CYFIP1: variants seen among roughly 807,000 people sequenced by gnomAD.
CYFIP1 encodes cytoplasmic FMR1 interacting protein 1.
A neutral mutation model predicts 163.5 loss-of-function variants in CYFIP1; 58 were observed. That is an observed-to-expected ratio of 0.35 (90% CI 0.29 to 0.44). CYFIP1 has a LOEUF of 0.44. CYFIP1 is among the 20% of genes least tolerant of loss of function. The probability of loss-of-function intolerance (pLI) is 1.00; values close to 1 mark genes in which losing one functional copy is unlikely to be tolerated. For missense variants in CYFIP1, 1,338 were observed against 1,653.8 expected, an observed-to-expected ratio of 0.81 and a Z score of 3.31; for synonymous variants, 663 against 660.7, an observed-to-expected ratio of 1.00 and a Z score of -0.05.
At chr15:22,901,597 A>G (rs2060395018) in intron 22 of CYFIP1, among the ~76,000 whole-genome samples, 1 of 152,194 alleles carries the variant, frequency 6.6e-6, no homozygotes. Context: ...CAGCACTGTC[A>G]CACATTTACC....
intron 27 of CYFIP1, 87 bp downstream of exon 27, chr15:22,875,112 C>G (rs2059544905): frequency 1.6e-6 from 2 of 1,272,550 alleles, no homozygotes; most frequent in Non-Finnish European, 2.3e-6. Context: ...ACAATCTGCA[C>G]TGGTCCTTAG....
chr15:22,930,254 C>T (rs538813913), intron 11 of CYFIP1, among the ~76,000 whole-genome samples: 2 of 151,376 alleles, frequency 1.3e-5, no homozygotes, highest in African/African-American at 4.8e-5. Context: ...ATTAGCCGGG[C>T]GTAGTGGTGG....
At chr15:22,925,867 C>T (rs2061340459) in intron 13 of CYFIP1, 115 bp downstream of exon 13, 8 of 1,442,898 alleles carry the variant, frequency 5.5e-6, no homozygotes, top group Admixed American at 1.9e-5. Context: ...GAAAGGGGTG[C>T]CCACACAGAA....
chr15:22,868,604 T>TAAAG lies in CYFIP1; in HGVS notation c.*1420_*1423dup, dbSNP rs1245331057. ...AAAAGCATTTTTAGGGAACTTTTTATAAAGAAAGAATAATTGTTTGTTAGG... is the reference window on the plus strand; with the variant it reads ...AAAAGCATTTTTAGGGAACTTTTTATAAAGAAAGAAAGAATAATTGTTTGTTAGG... On this transcript the variant is annotated 3_prime_UTR_variant, in exon 31 of 31. Coordinates refer to ENST00000617928, the MANE Select transcript of CYFIP1 (RefSeq NM_014608.6). The TAAAG allele has an allele frequency of 1.4e-5, 2 of 145,150 alleles. No homozygotes were observed. Among genetic ancestry groups the TAAAG allele is most frequent in the Admixed American group, 1.4e-4 (2 of 13,800 alleles). 9.0% of individuals were successfully genotyped at this position (145,150 alleles called of 1,614,324 possible). A position where few individuals can be genotyped will look rare whatever the true frequency, so the allele number is the denominator to read the frequency against.
In CYFIP1 at chr15:22,907,299, C is replaced by A. The variant is rs576474437; in HGVS notation, c.2388+1895G>T. 2.6e-5 allele frequency among the ~76,000 whole-genome samples: 4 copies of A among 152,320 alleles called. No individual in the cohort carries two copies. In the South Asian group the frequency reaches 8.3e-4, roughly 32 times the overall value. ...TCCAATGGTGCCAGGTGGCGGGCAG[C>A]ACAACTCATGTGTACTCAAATTGCC... On this transcript the variant is annotated intron_variant, in intron 21 of 30. Coordinates refer to ENST00000617928, the MANE Select transcript of CYFIP1 (RefSeq NM_014608.6).
intron 3 of CYFIP1, 139 bp downstream of exon 3, chr15:22,946,864 A>G: frequency 1.3e-6 from 1 of 784,480 alleles, no homozygotes; most frequent in Non-Finnish European, 2.2e-6. Flanking sequence ...AGACTGTCTT[A>G]AAAATATAAG....
At chr15:22,971,333 G>C (rs1441973357) in intron 1 of CYFIP1, among the ~76,000 whole-genome samples, 5 of 152,014 alleles carry the variant, frequency 3.3e-5, no homozygotes, top group Non-Finnish European at 7.4e-5. Context: ...GAGCTCAAGA[G>C]TTCAAGACTA....
chr15:22,918,503 C>T (rs1444413713), intron 14 of CYFIP1, among the ~76,000 whole-genome samples, 189 bp downstream of exon 14: 1 of 152,214 alleles, frequency 6.6e-6, no homozygotes, highest in East Asian at 1.9e-4. Context: ...AGCTGACTTA[C>T]TGTCCATTGT....
intron 1 of CYFIP1, among the ~76,000 whole-genome samples, chr15:22,971,151 A>T (rs1490396585): frequency 6.6e-6 from 1 of 152,222 alleles, no homozygotes; most frequent in East Asian, 1.9e-4. Flanking sequence ...CGGATCTAAA[A>T]CTATAAAACT....
At chr15:22,930,311 G>T (rs1473930104) in intron 11 of CYFIP1, among the ~76,000 whole-genome samples, 3 of 147,100 alleles carry the variant, frequency 2.0e-5, no homozygotes, top group African/African-American at 7.4e-5. Flanking sequence ...GGAGAATGGT[G>T]TGAACCTTGG....
At chr15:22,974,756 T>C (rs975545472) in intron 1 of CYFIP1, among the ~76,000 whole-genome samples, 4 of 152,168 alleles carry the variant, frequency 2.6e-5, no homozygotes, top group Admixed American at 2.6e-4. Context: ...AACTGGATTA[T>C]GGTGATGGTT....
At chr15:22,937,749 T>C (rs933831621) in intron 8 of CYFIP1, among the ~76,000 whole-genome samples, 4 of 152,032 alleles carry the variant, frequency 2.6e-5, no homozygotes, top group East Asian at 1.9e-4. Context: ...CAGGCGCCCA[T>C]GACCACCACG....
intron 18 of CYFIP1, among the ~76,000 whole-genome samples, chr15:22,911,631 G>C (rs1295908871): frequency 6.6e-6 from 1 of 152,200 alleles, no homozygotes; most frequent in Non-Finnish European, 1.5e-5. Context: ...AGCAGACAGG[G>C]CCAAGAAGGG....
At chr15:22,960,397 C>T (rs1467519165) in intron 1 of CYFIP1, among the ~76,000 whole-genome samples, 5 of 152,222 alleles carry the variant, frequency 3.3e-5, no homozygotes, top group South Asian at 2.1e-4. Context: ...GGCACCTTGC[C>T]GGAGACGTCC....
At chr15:22,961,799 G>C (rs1396594123) in intron 1 of CYFIP1, among the ~76,000 whole-genome samples, 1 of 152,132 alleles carries the variant, frequency 6.6e-6, no homozygotes, top group South Asian at 2.1e-4. Flanking sequence ...TACTAACAAC[G>C]TTAAAGATAT....
chr15:22,887,674 A>T (rs2059963511), intron 23 of CYFIP1, among the ~76,000 whole-genome samples: 1 of 152,180 alleles, frequency 6.6e-6, no homozygotes. Context: ...CAAAGATGAC[A>T]CATCCGAGAG....
chr15:22,942,988 T>A (rs999861516), intron 6 of CYFIP1, among the ~76,000 whole-genome samples, 185 bp downstream of exon 6: 15 of 152,222 alleles, frequency 9.9e-5, no homozygotes, highest in Non-Finnish European at 2.9e-5. Flanking sequence ...TATGCACTTA[T>A]CTGCTGGCTC....
intron 1 of CYFIP1, among the ~76,000 whole-genome samples, chr15:22,958,594 C>T (rs1394655025): frequency 2.6e-5 from 4 of 152,302 alleles, no homozygotes; most frequent in Admixed American, 6.5e-5. Flanking sequence ...GCAGCCCCTT[C>T]GGCCAGGGTC....
chr15:22,914,511 C>T (rs971077432), intron 17 of CYFIP1, among the ~76,000 whole-genome samples: 24 of 151,878 alleles, frequency 1.6e-4, no homozygotes, highest in Non-Finnish European at 3.1e-4. Flanking sequence ...AATGCAGCCA[C>T]AAATTTCTGT....
Sources: allele counts gnomAD v4.1 joint callset (sites outside exome capture counted in the v4.1 genomes callset), GRCh38; gene constraint gnomAD v4.1.1; transcripts MANE v1.5; gene names NCBI Gene and HGNC (gene_info 2026-07-23, HGNC 2026-07-21).